The following HRH1 variants were observed in gnomAD, a reference collection of about 807,000 sequenced individuals.
HRH1 encodes the protein histamine receptor H1, also known as histamine H1 receptor.
HRH1 carries 6 observed loss-of-function variants against 10.3 expected under a neutral mutation model. The observed-to-expected ratio is 0.58, with a 90% CI of 0.32 to 1.15. The LOEUF (loss-of-function observed/expected upper bound fraction) is 1.15. HRH1 is among the 50% of genes most tolerant of loss of function. HRH1 has a pLI of 0.05. For missense variants in HRH1, 514 were observed against 615.3 expected, an observed-to-expected ratio of 0.84 and a Z score of 1.74; for synonymous variants, 242 against 236.7, an observed-to-expected ratio of 1.02 and a Z score of -0.21.
At chr3:11,184,783 G>T (rs1329602816) in intron 1 of HRH1, among the ~76,000 whole-genome samples, 1 of 151,978 alleles carries the variant, frequency 6.6e-6, no homozygotes, top group Non-Finnish European at 1.5e-5. Flanking sequence ...TGGGTGTGGT[G>T]GTGGGCACCT....
At chr3:11,173,058 G>A (rs1414575752) in intron 1 of HRH1, among the ~76,000 whole-genome samples, 1 of 152,138 alleles carries the variant, frequency 6.6e-6, no homozygotes, top group African/African-American at 2.4e-5. Flanking sequence ...CCTCTGTGGG[G>A]CCCTGGATGA....
At position 11,259,029 on chromosome 3, in the gene HRH1, C is replaced by T. The variant is rs939631891; in HGVS notation, c.-9C>T. ...GAGTGAGCCATAACTGGTGGCTGCTCTTGCGCCAATGAGCCTCCCCAATTC... is the reference window on the plus strand; with the variant it reads ...GAGTGAGCCATAACTGGTGGCTGCTTTTGCGCCAATGAGCCTCCCCAATTC... On this transcript the variant is annotated 5_prime_UTR_variant, in exon 2 of 2. Coordinates refer to ENST00000431010, the MANE Select transcript of HRH1 (RefSeq NM_001098212.2). The surrounding 1 kb of genome is among the most constrained non-coding windows in gnomAD (Gnocchi z 4.6). The T allele has an allele frequency of 1.3e-6, 2 of 1,578,618 alleles. No individual in the cohort carries two copies. The highest frequency in any genetic ancestry group is 1.4e-5 in the African/African-American group (1 of 73,992).
chr3:11,227,215 T>A (rs1376282471), intron 1 of HRH1, among the ~76,000 whole-genome samples: 1 of 152,050 alleles, frequency 6.6e-6, no homozygotes, highest in Non-Finnish European at 1.5e-5. Context: ...TGCAGAGTTT[T>A]GAAGTAGGTC....
chr3:11,170,519 C>T (rs1937131456), intron 1 of HRH1, among the ~76,000 whole-genome samples: 2 of 152,350 alleles, frequency 1.3e-5, no homozygotes, highest in Admixed American at 6.5e-5. Context: ...AAGGCAGACC[C>T]GGAACGGGCA....
At chr3:11,151,013 T>C (rs1034463795), upstream of HRH1, among the ~76,000 whole-genome samples, 10 of 152,226 alleles carry the variant, frequency 6.6e-5, no homozygotes, top group Non-Finnish European at 1.5e-4. Context: ...TCGATTGTCT[T>C]TTAAGGAACC....
Position 11,245,076 on chromosome 3 carries a change from G to T in HRH1, c.-35-13927G>T, listed in dbSNP as rs1342284070. 1.3e-5 allele frequency among the ~76,000 whole-genome samples: 2 copies of T among 152,306 alleles called. 1 individual carries two copies. Among genetic ancestry groups the T allele is most frequent in the Admixed American group, 1.3e-4 (2 of 15,304 alleles). On this transcript the variant is annotated intron_variant, in intron 1 of 1. Transcript: ENST00000431010. ...GTTAAGAAACCCTGAGTTAGGGCCA[G>T]GTGTGGTGGCTAATGCCTGTAATCC...
chr3:11,208,486 T>A (rs1938216192), intron 1 of HRH1, among the ~76,000 whole-genome samples: 1 of 152,168 alleles, frequency 6.6e-6, no homozygotes, highest in Admixed American at 6.6e-5. Flanking sequence ...GTTTTTTTGC[T>A]TAGCTTCCTA....
chr3:11,197,190 A>G (rs559429099), intron 1 of HRH1, among the ~76,000 whole-genome samples: 5 of 151,994 alleles, frequency 3.3e-5, no homozygotes, highest in South Asian at 2.1e-4. Flanking sequence ...CTGAAATATA[A>G]CAAGATCCCC....
At chr3:11,172,167 C>A in intron 1 of HRH1, among the ~76,000 whole-genome samples, 1 of 152,200 alleles carries the variant, frequency 6.6e-6, no homozygotes, top group Non-Finnish European at 1.5e-5. Flanking sequence ...ACTACAGAGC[C>A]ATTGAAGAAT....
At chr3:11,182,198 A>G (rs552446941) in intron 1 of HRH1, among the ~76,000 whole-genome samples, 2 of 149,184 alleles carry the variant, frequency 1.3e-5, no homozygotes, top group African/African-American at 2.5e-5. Context: ...GGCCAGGCTG[A>G]TCTCCAACTC....
chr3:11,160,409 C>T (rs1360425872), intron 1 of HRH1, among the ~76,000 whole-genome samples: 3 of 152,300 alleles, frequency 2.0e-5, no homozygotes, highest in African/African-American at 2.4e-5. Context: ...ACTGTTATTC[C>T]AATTATTCAG....
intron 1 of HRH1, among the ~76,000 whole-genome samples, chr3:11,217,684 A>T (rs1335555889): frequency 6.6e-6 from 1 of 152,186 alleles, no homozygotes; most frequent in Non-Finnish European, 1.5e-5. Context: ...AACATTGCTG[A>T]TCTGTACACT....
intron 1 of HRH1, among the ~76,000 whole-genome samples, chr3:11,241,694 G>A (rs189459879): frequency 6.6e-6 from 1 of 152,170 alleles, no homozygotes; most frequent in East Asian, 1.9e-4. Flanking sequence ...AAATTAGCTG[G>A]GTGTGGTAGC....
chr3:11,173,389 G>C (rs980333379), intron 1 of HRH1, among the ~76,000 whole-genome samples: 4 of 148,406 alleles, frequency 2.7e-5, no homozygotes, highest in African/African-American at 7.7e-5. Context: ...TATATATATG[G>C]GGTTTTTTTG....
At chr3:11,200,003 T>C (rs1413153220) in intron 1 of HRH1, among the ~76,000 whole-genome samples, 1 of 152,126 alleles carries the variant, frequency 6.6e-6, no homozygotes, top group Admixed American at 6.5e-5. Flanking sequence ...ACATGACACA[T>C]GTGGGAGGTT....
intron 1 of HRH1, among the ~76,000 whole-genome samples, chr3:11,164,975 T>A (rs550865579): frequency 6.6e-6 from 1 of 152,190 alleles, no homozygotes; most frequent in Non-Finnish European, 1.5e-5. Flanking sequence ...ATCATGTGCC[T>A]GCTGTACAGT....
chr3:11,159,265 A>G (rs1305631856), intron 1 of HRH1, among the ~76,000 whole-genome samples: 1 of 152,126 alleles, frequency 6.6e-6, no homozygotes, highest in Non-Finnish European at 1.5e-5. Context: ...CAAAACAAAA[A>G]GACAGTGGAC....
intron 1 of HRH1, among the ~76,000 whole-genome samples, chr3:11,204,829 C>A (rs953656814): frequency 6.6e-5 from 10 of 152,176 alleles, no homozygotes; most frequent in Admixed American, 6.5e-4. Context: ...CCCATGGTCT[C>A]CTCAGTTCAG....
intron 1 of HRH1, among the ~76,000 whole-genome samples, chr3:11,155,178 C>G (rs964336354): frequency 3.3e-5 from 5 of 152,044 alleles, no homozygotes; most frequent in Admixed American, 2.6e-4. Context: ...TGGGAACTGT[C>G]CGGACCACCA....
Sources: allele counts gnomAD v4.1 joint callset (sites outside exome capture counted in the v4.1 genomes callset), GRCh38; gene constraint gnomAD v4.1.1; non-coding constraint Gnocchi (gnomAD v3.1); transcripts MANE v1.5; gene names NCBI Gene and HGNC (gene_info 2026-07-23, HGNC 2026-07-21).